The following ARHGAP19 variants were observed in gnomAD, a reference collection of about 807,000 sequenced individuals.
The protein encoded by ARHGAP19 is rho GTPase-activating protein 19.
A neutral mutation model predicts 60.9 loss-of-function variants in ARHGAP19; 48 were observed. That is an observed-to-expected ratio of 0.79 (90% CI 0.62 to 1.00). ARHGAP19 has a LOEUF of 1.00. Ranked by LOEUF, ARHGAP19 falls within the 50% of genes least tolerant of loss-of-function variation. The pLI, the probability that ARHGAP19 is intolerant of heterozygous loss-of-function variation, is 0.00. For synonymous variants in ARHGAP19, 209 were observed against 215.5 expected (o/e 0.97, Z 0.27); for missense variants, 562 against 597.2 (o/e 0.94, Z 0.61).
intron 1 of ARHGAP19, among the ~76,000 whole-genome samples, chr10:97,283,548 T>C (rs1420728547): frequency 6.6e-6 from 1 of 151,156 alleles, no homozygotes; most frequent in Non-Finnish European, 1.5e-5. Flanking sequence ...AGTGAGACTC[T>C]GTCTCAAAAA....
intron 6 of ARHGAP19, among the ~76,000 whole-genome samples, chr10:97,255,999 C>A (rs756792744): frequency 1.3e-5 from 2 of 152,128 alleles, no homozygotes; most frequent in African/African-American, 2.4e-5. Flanking sequence ...ATTCTACTGG[C>A]AGACCCCCAA....
At chr10:97,260,935 A>T (rs60165560) in intron 4 of ARHGAP19, among the ~76,000 whole-genome samples, 3,184 of 117,276 alleles carry the variant, frequency 0.027, 100 homozygotes, top group African/African-American at 0.086. Flanking sequence ...CTCTATATTT[A>T]AAAAAAAAAA....
intron 7 of ARHGAP19, 93 bp from the exon 8 acceptor site, chr10:97,244,252 G>T: frequency 2.0e-6 from 2 of 1,003,082 alleles, no homozygotes; most frequent in Non-Finnish European, 2.9e-6. Context: ...AAGGGAGAGT[G>T]GGGACATGGT....
At chr10:97,259,266 T>G (rs1842795645) in intron 5 of ARHGAP19, 136 bp downstream of exon 5, 6 of 696,308 alleles carry the variant, frequency 8.6e-6, no homozygotes, top group Non-Finnish European at 1.5e-5. Flanking sequence ...TTCAATGAAC[T>G]AATAAAGTAA....
intron 1 of ARHGAP19, among the ~76,000 whole-genome samples, chr10:97,289,852 TAAAA>T (rs11304186): frequency 8.0e-6 from 1 of 124,490 alleles, no homozygotes; most frequent in Non-Finnish European, 1.7e-5. Context: ...AGCCCTGTGT[TAAAA>T]AAAAAAAAAA....
chr10:97,266,992 C>T (rs1422872450), intron 1 of ARHGAP19, among the ~76,000 whole-genome samples: 2 of 152,134 alleles, frequency 1.3e-5, no homozygotes, highest in Admixed American at 6.5e-5. Flanking sequence ...ATTATGCCTC[C>T]CCAACAGTCC....
intron 1 of ARHGAP19, among the ~76,000 whole-genome samples, chr10:97,287,114 T>C (rs1328590653): frequency 6.6e-6 from 1 of 151,944 alleles, no homozygotes; most frequent in African/African-American, 2.4e-5. Flanking sequence ...CACCTGGCTA[T>C]GTGTTTTTAT....
chr10:97,249,945 T>C (rs933660706), intron 6 of ARHGAP19, among the ~76,000 whole-genome samples: 2 of 151,778 alleles, frequency 1.3e-5, no homozygotes, highest in Admixed American at 6.6e-5. Flanking sequence ...CCACCGCGCC[T>C]GGCTAATTTT....
intron 7 of ARHGAP19, among the ~76,000 whole-genome samples, chr10:97,245,487 G>A (rs2134842445): frequency 6.6e-6 from 1 of 151,720 alleles, no homozygotes; most frequent in Admixed American, 6.6e-5. Flanking sequence ...CGGGCATGGT[G>A]GTGCATGCCT....
intron 6 of ARHGAP19, among the ~76,000 whole-genome samples, chr10:97,251,413 A>T (rs181293012): frequency 1.2e-4 from 2 of 16,112 alleles, no homozygotes; most frequent in Non-Finnish European, 2.3e-4. Context: ...GGGAAGGGAA[A>T]GGAAGGGGAA....
At chr10:97,235,770 T>C (rs1486059040) in intron 8 of ARHGAP19, among the ~76,000 whole-genome samples, 1 of 152,120 alleles carries the variant, frequency 6.6e-6, no homozygotes, top group Non-Finnish European at 1.5e-5. Flanking sequence ...CTGACAACAA[T>C]ACCATCAGAG....
intron 9 of ARHGAP19, among the ~76,000 whole-genome samples, 156 bp downstream of exon 9, chr10:97,235,061 A>T (rs1398592833): frequency 6.6e-6 from 1 of 152,228 alleles, no homozygotes; most frequent in Non-Finnish European, 1.5e-5. Context: ...GCACTTTGCA[A>T]TATAAAAGCT....
At chr10:97,231,287 T>C (rs1034870053) in intron 9 of ARHGAP19, among the ~76,000 whole-genome samples, 2 of 152,066 alleles carry the variant, frequency 1.3e-5, no homozygotes, top group South Asian at 2.1e-4. Context: ...GGATTTTTTT[T>C]AAACAATGAT....
rs527250940 is a variant in ARHGAP19 at position 97,252,315 on chromosome 10, A to G, written c.927+4003T>C. 2.7e-5 allele frequency among the ~76,000 whole-genome samples: 4 copies of G among 146,116 alleles called. No individual in the cohort carries two copies. In the East Asian group the frequency reaches 5.9e-4, roughly 22 times the overall value. On this transcript the variant is annotated intron_variant, in intron 6 of 11. Coordinates refer to ENST00000358531, the MANE Select transcript of ARHGAP19 (RefSeq NM_032900.6). ...ACACTCCAGCCTGGGTGACAGAATG[A>G]GACTGTCTCAAAAAAAAAAAAAATA... is the stretch of plus-strand genomic sequence containing the variant.
chr10:97,287,522 G>A (rs1843171458), intron 1 of ARHGAP19, among the ~76,000 whole-genome samples: 1 of 151,318 alleles, frequency 6.6e-6, no homozygotes, highest in Non-Finnish European at 1.5e-5. Context: ...CAAGAGGAAT[G>A]CTTGAGCCCA....
chr10:97,252,618 A>G (rs1000143399), intron 6 of ARHGAP19, among the ~76,000 whole-genome samples: 2 of 151,970 alleles, frequency 1.3e-5, no homozygotes, highest in Non-Finnish European at 2.9e-5. Flanking sequence ...GTGAGACTCC[A>G]TCTCAAAAAA....
chr10:97,287,093 G>A (rs555285527), intron 1 of ARHGAP19, among the ~76,000 whole-genome samples: 11 of 152,042 alleles, frequency 7.2e-5, no homozygotes, highest in South Asian at 4.2e-4. Flanking sequence ...GACCACAGGC[G>A]TGCATCACCA....
intron 1 of ARHGAP19, among the ~76,000 whole-genome samples, chr10:97,282,180 T>C (rs1843093673): frequency 6.6e-6 from 1 of 152,156 alleles, no homozygotes; most frequent in Non-Finnish European, 1.5e-5. Context: ...ATTCCCTTCA[T>C]GAATCCAAGC....
At chr10:97,258,211 T>C (rs555668499) in intron 5 of ARHGAP19, among the ~76,000 whole-genome samples, 1 of 152,094 alleles carries the variant, frequency 6.6e-6, no homozygotes, top group Non-Finnish European at 1.5e-5. Flanking sequence ...AAAAATGGCT[T>C]GTAGACAGCT....
Sources: gnomAD v4.1 joint callset for allele counts (sites outside exome capture counted in the v4.1 genomes callset) on GRCh38, gnomAD v4.1.1 for gene constraint, MANE v1.5 for transcripts, NCBI Gene and HGNC (gene_info 2026-07-23, HGNC 2026-07-21) for gene names.